The following CDH23 variants were observed in gnomAD, a reference collection of about 807,000 sequenced individuals.
CDH23 encodes cadherin related 23, also known as cadherin-23.
In CDH23, 189 loss-of-function variants were observed where a neutral mutation model predicts 317.1. That is an observed-to-expected ratio of 0.60 (90% CI 0.53 to 0.67). The LOEUF is 0.67. Ranked by LOEUF, CDH23 falls within the 30% of genes least tolerant of loss-of-function variation. CDH23 has a pLI of 0.00. For missense variants in CDH23, 4,401 were observed against 4,592.4 expected (o/e 0.96, Z 1.20); for synonymous variants, 1,839 against 1,876.8 (o/e 0.98, Z 0.52).
chr10:71,488,670 C>T (rs1476446891), intron 3 of CDH23, among the ~76,000 whole-genome samples: 1 of 152,204 alleles, frequency 6.6e-6, no homozygotes, highest in African/African-American at 2.4e-5. Context: ...TGGCAACAAT[C>T]AGTGGGAACT....
intron 30 of CDH23, among the ~76,000 whole-genome samples, chr10:71,729,920 T>C (rs1839306089): frequency 6.6e-6 from 1 of 151,976 alleles, no homozygotes; most frequent in Admixed American, 6.6e-5. Flanking sequence ...CTGCAACCTC[T>C]GCCTCCCGGG....
chr10:71,417,372 C>A (rs969773705), intron 1 of CDH23, among the ~76,000 whole-genome samples: 1 of 152,066 alleles, frequency 6.6e-6, no homozygotes, highest in Admixed American at 6.6e-5. Flanking sequence ...CCACCGTGCC[C>A]GACCTTGCCT....
At chr10:71,808,536 T>TGTGTG (rs1266140799) in intron 60 of CDH23, among the ~76,000 whole-genome samples, 1 of 152,212 alleles carries the variant, frequency 6.6e-6, no homozygotes, top group Non-Finnish European at 1.5e-5. Flanking sequence ...CTCACACTTA[T>TGTGTG]ATCTATGGAT....
chr10:71,796,553 C>G (rs1841408850), intron 48 of CDH23, among the ~76,000 whole-genome samples: 1 of 152,214 alleles, frequency 6.6e-6, no homozygotes, highest in Non-Finnish European at 1.5e-5. Flanking sequence ...CATGACTTTC[C>G]TTTAAACTTG....
At chr10:71,759,188 C>T (rs1840229402) in intron 38 of CDH23, among the ~76,000 whole-genome samples, 1 of 152,104 alleles carries the variant, frequency 6.6e-6, no homozygotes, top group East Asian at 1.9e-4. Context: ...CAGGCGTGCA[C>T]CACCATGCCT....
At chr10:71,613,138 C>T (rs531065382) in intron 9 of CDH23, among the ~76,000 whole-genome samples, 1 of 152,304 alleles carries the variant, frequency 6.6e-6, no homozygotes, top group South Asian at 2.1e-4. Flanking sequence ...CATGAGCCAC[C>T]GCGCCCAGCC....
intron 6 of CDH23, among the ~76,000 whole-genome samples, chr10:71,530,913 C>G (rs1198997625): frequency 1.3e-5 from 2 of 152,198 alleles, no homozygotes; most frequent in African/African-American, 4.8e-5. Flanking sequence ...TGTGACTGCC[C>G]TGGGTTACAC....
chr10:71,473,619 G>A (rs1328779589), intron 3 of CDH23, among the ~76,000 whole-genome samples: 2 of 152,210 alleles, frequency 1.3e-5, no homozygotes, highest in African/African-American at 4.8e-5. Flanking sequence ...TTTCTCGTCT[G>A]TAAAATGGAG....
intron 9 of CDH23, among the ~76,000 whole-genome samples, chr10:71,611,508 G>A (rs985907729): frequency 6.6e-6 from 1 of 152,194 alleles, no homozygotes; most frequent in Non-Finnish European, 1.5e-5. Context: ...TAAAGCACAG[G>A]CAGCCAACAT....
At chr10:71,625,809 C>T (rs182409756) in intron 11 of CDH23, among the ~76,000 whole-genome samples, 11 of 152,240 alleles carry the variant, frequency 7.2e-5, no homozygotes, top group African/African-American at 1.7e-4. Flanking sequence ...AGGGGGGCCA[C>T]GGACCACCCA....
intron 6 of CDH23, among the ~76,000 whole-genome samples, chr10:71,513,259 G>A (rs546847962): frequency 4.6e-5 from 7 of 152,152 alleles, no homozygotes; most frequent in African/African-American, 1.4e-4. Flanking sequence ...TCAGCTGGAC[G>A]GAGGCCTGGC....
intron 6 of CDH23, among the ~76,000 whole-genome samples, chr10:71,519,262 TA>T (rs1205834913): frequency 6.6e-6 from 1 of 152,198 alleles, no homozygotes; most frequent in Non-Finnish European, 1.5e-5. Flanking sequence ...AAAGAACCTC[TA>T]AATGGAAGGA....
At position 71,737,552 on chromosome 10, in the gene CDH23, C is replaced by T. The variant is rs191054585; in HGVS notation, c.4210-946C>T. Among the ~76,000 whole-genome samples, 3 of 152,334 alleles carry T rather than the reference C, an allele frequency of 2.0e-5. No homozygotes were observed. In the East Asian group the frequency reaches 5.8e-4, roughly 29 times the overall value. On this transcript the variant is annotated intron_variant, in intron 34 of 69. Coordinates refer to ENST00000224721, the MANE Select transcript of CDH23 (RefSeq NM_022124.6). Reference sequence around the variant, plus strand: ...CAGCATGCACAGGCTTAGCCGGCTCCCCATGAGTCCTGTGCAGAGTCAGCA... The same window carrying T: ...CAGCATGCACAGGCTTAGCCGGCTCTCCATGAGTCCTGTGCAGAGTCAGCA...
chr10:71,626,788 T>C (rs1349374663), intron 11 of CDH23, among the ~76,000 whole-genome samples: 1 of 152,186 alleles, frequency 6.6e-6, no homozygotes, highest in Non-Finnish European at 1.5e-5. Context: ...TTCTTTCTCC[T>C]CCATGAAGGT....
At chr10:71,436,266 C>A (rs1018343762) in intron 1 of CDH23, among the ~76,000 whole-genome samples, 8 of 152,212 alleles carry the variant, frequency 5.3e-5, no homozygotes, top group Non-Finnish European at 1.0e-4. Flanking sequence ...TGATCGCCTC[C>A]GATGGGGAAA....
At chr10:71,788,900 T>G (rs980012875) in intron 44 of CDH23, 40 bp from the exon 45 acceptor site, 53 of 1,056,786 alleles carry the variant, frequency 5.0e-5, no homozygotes, top group Non-Finnish European at 6.9e-5. Context: ...GGCACTTTGC[T>G]GAGCATGGCC....
chr10:71,664,121 T>C (rs1258038211), intron 14 of CDH23, among the ~76,000 whole-genome samples: 1 of 151,562 alleles, frequency 6.6e-6, no homozygotes, highest in Non-Finnish European at 1.5e-5. Context: ...ACACCCCTCC[T>C]CCAGGCATCT....
At position 71,723,305 on chromosome 10, in the gene CDH23, G is replaced by T. The variant is rs77888094; in HGVS notation, c.3370-740G>T. On this transcript the variant is annotated intron_variant, in intron 28 of 69. Coordinates refer to ENST00000224721, the MANE Select transcript of CDH23 (RefSeq NM_022124.6). Reference sequence around the variant, plus strand: ...AGGTATTCAGTTATTGGCTTGACAGGACTCATGTTGGGGTCAGCTATGGTT... The same window carrying T: ...AGGTATTCAGTTATTGGCTTGACAGTACTCATGTTGGGGTCAGCTATGGTT... 7.2e-3 allele frequency among the ~76,000 whole-genome samples: 1,093 copies of T among 152,274 alleles called. 8 individuals carry two copies. The highest frequency in any genetic ancestry group is 0.011 in the Non-Finnish European group (759 of 68,028).
chr10:71,589,170 A>G (rs142389566), intron 9 of CDH23, among the ~76,000 whole-genome samples: 1,766 of 152,138 alleles, frequency 0.012, 37 homozygotes, highest in African/African-American at 0.04. Context: ...CTCAGGCTGG[A>G]GTGCAGTGGA....
Sources: gnomAD v4.1 joint callset for allele counts (sites outside exome capture counted in the v4.1 genomes callset) on GRCh38, gnomAD v4.1.1 for gene constraint, MANE v1.5 for transcripts, NCBI Gene and HGNC (gene_info 2026-07-23, HGNC 2026-07-21) for gene names.